The following CYRIA variants were observed in gnomAD, a reference collection of about 807,000 sequenced individuals.
CYRIA encodes the protein CYFIP-related Rac1 interactor A.
A neutral mutation model predicts 43.9 loss-of-function variants in CYRIA; 15 were observed. The observed-to-expected ratio is 0.34, with a 90% CI of 0.23 to 0.53. CYRIA has a LOEUF of 0.53. Ranked by LOEUF, CYRIA falls within the 20% of genes least tolerant of loss-of-function variation. CYRIA has a pLI of 0.94. For missense variants in CYRIA, 236 were observed against 394.2 expected, an observed-to-expected ratio of 0.60 and a Z score of 3.40; for synonymous variants, 117 against 136.0, an observed-to-expected ratio of 0.86 and a Z score of 0.97.
At position 16,552,942 on chromosome 2, in the gene CYRIA, A is replaced by T; in HGVS notation, c.966T>A (p.Leu322=). 1 of 1,600,460 alleles carries T rather than the reference A, an allele frequency of 6.2e-7. No homozygotes were observed. The part of the protein sequence containing the change: ...ESTSKQIRAM[L]Q ...CTCTTCTTTGAGCAGAGCTCTACTG[A>T]AGCATTGCTCGAATCTGTTTGGAAG... Residue 322 remains leucine (L), a synonymous_variant, in exon 12 of 12, where the codon CTT becomes CTA. Transcript: ENST00000381323.
chr2:16,599,655 C>A (rs112797220), intron 2 of CYRIA, among the ~76,000 whole-genome samples: 4,414 of 148,336 alleles, frequency 0.03, 208 homozygotes, highest in South Asian at 0.09. Flanking sequence ...GAGATGAACC[C>A]GGTACCTCAG....
chr2:16,587,738 G>C (rs1667784771), intron 3 of CYRIA, among the ~76,000 whole-genome samples: 1 of 151,916 alleles, frequency 6.6e-6, no homozygotes. Context: ...GGAGTTTCAC[G>C]AGATCTGATG....
intron 2 of CYRIA, among the ~76,000 whole-genome samples, chr2:16,598,885 G>C (rs1258083320): frequency 2.4e-5 from 3 of 124,206 alleles, no homozygotes; most frequent in Admixed American, 7.8e-5. Flanking sequence ...GGTCTTTGAT[G>C]ATGGTGATGT....
chr2:16,580,627 T>C (rs1325308816), intron 3 of CYRIA, among the ~76,000 whole-genome samples: 1 of 152,164 alleles, frequency 6.6e-6, no homozygotes, highest in Non-Finnish European at 1.5e-5. Flanking sequence ...TTTTTTATTG[T>C]AGAAACTAAG....
intron 1 of CYRIA, among the ~76,000 whole-genome samples, chr2:16,643,480 G>C (rs548021337): frequency 6.6e-6 from 1 of 152,332 alleles, no homozygotes; most frequent in South Asian, 2.1e-4. Context: ...ACAGTTTTGA[G>C]AGACTTCAAT....
chr2:16,577,977 G>C (rs917837280), intron 3 of CYRIA, among the ~76,000 whole-genome samples: 2 of 152,176 alleles, frequency 1.3e-5, no homozygotes, highest in African/African-American at 2.4e-5. Flanking sequence ...GAAAAATGAA[G>C]AGAAAGCCAC....
In CYRIA at chr2:16,552,938, A is replaced by T. The variant is rs1666365618; in HGVS notation, c.970T>A (p.Ter324LysextTer11). ...TSKQIRAMLQ[*>K] ...GATCCTCTTCTTTGAGCAGAGCTCT[A>T]CTGAAGCATTGCTCGAATCTGTTTG... The change falls in exon 12 of 12, where the codon TAG becomes AAG. Residue 324 changes from the stop codon to lysine (K), a stop_lost. Coordinates refer to ENST00000381323, the MANE Select transcript of CYRIA (RefSeq NM_030797.4). The T allele has an allele frequency of 6.3e-7, 1 of 1,595,084 alleles. No homozygotes were observed. Among genetic ancestry groups the T allele is most frequent in the Admixed American group, 1.7e-5 (1 of 59,916 alleles).
intron 3 of CYRIA, among the ~76,000 whole-genome samples, chr2:16,572,271 A>G (rs917689858): frequency 6.6e-6 from 1 of 152,246 alleles, no homozygotes; most frequent in African/African-American, 2.4e-5. Flanking sequence ...CTGCAGGGTC[A>G]TAATGAAGAT....
chr2:16,558,763 T>G (rs1026973829), intron 10 of CYRIA, among the ~76,000 whole-genome samples: 1 of 152,018 alleles, frequency 6.6e-6, no homozygotes, highest in Admixed American at 6.6e-5. Context: ...AGAGCAGACA[T>G]GAGGTATATA....
chr2:16,665,002 T>A (rs1670352502), intron 1 of CYRIA, among the ~76,000 whole-genome samples: 1 of 152,058 alleles, frequency 6.6e-6, no homozygotes, highest in African/African-American at 2.4e-5. Flanking sequence ...ATGACAAAGA[T>A]CTTGGCCCTG....
intron 3 of CYRIA, among the ~76,000 whole-genome samples, chr2:16,566,244 T>A (rs145085993): frequency 6.6e-6 from 1 of 152,312 alleles, no homozygotes; most frequent in African/African-American, 2.4e-5. Flanking sequence ...ACATTCATAA[T>A]GTTGTACAAC....
intron 1 of CYRIA, among the ~76,000 whole-genome samples, chr2:16,661,766 G>A (rs1227729908): frequency 1.3e-5 from 2 of 152,026 alleles, no homozygotes; most frequent in African/African-American, 2.4e-5. Context: ...TGTGTACTAC[G>A]GCACAAAGAG....
In CYRIA at chr2:16,564,010, A is replaced by G. The variant is rs755707957; in HGVS notation, c.277T>C (p.Tyr93His). Residue 93 changes from tyrosine (Y) to histidine (H), a missense_variant, in exon 5 of 12, where the codon TAC becomes CAC. Tyr to His is a moderately conservative substitution (Grantham distance 83). Coordinates refer to ENST00000381323, the MANE Select transcript of CYRIA (RefSeq NM_030797.4). ...TCACCTAGTCTAATGGAAAACTCGT[A>G]AAATCTCTTTAGCCTCACAACAAGA... ...CPLVVRLKRF[Y>H]EFSIRLEKAL... 4 of 1,613,226 alleles carry G rather than the reference A, an allele frequency of 2.5e-6. No homozygotes were observed. Among genetic ancestry groups the G allele is most frequent in the East Asian group, 4.5e-5 (2 of 44,866 alleles).
intron 2 of CYRIA, among the ~76,000 whole-genome samples, chr2:16,599,923 A>C (rs1309613569): frequency 6.6e-6 from 1 of 152,078 alleles, no homozygotes; most frequent in Non-Finnish European, 1.5e-5. Context: ...CACCCAGCTA[A>C]TTTTTGTATT....
intron 2 of CYRIA, among the ~76,000 whole-genome samples, chr2:16,604,701 A>C (rs1032195581): frequency 6.6e-6 from 1 of 152,264 alleles, no homozygotes; most frequent in African/African-American, 2.4e-5. Context: ...CACTGGAATG[A>C]AGTAGCTCAG....
Position 16,552,560 on chromosome 2 carries a change from T to C in CYRIA, c.*376A>G, listed in dbSNP as rs1480349839. 6.2e-6 allele frequency: 1 copy of C among 162,096 alleles called. No individual in the cohort carries two copies. The highest frequency in any genetic ancestry group is 1.3e-5 in the Non-Finnish European group (1 of 74,848). 10.0% of individuals were successfully genotyped at this position (162,096 alleles called of 1,614,324 possible). On this transcript the variant is annotated 3_prime_UTR_variant, in exon 12 of 12. Coordinates refer to ENST00000381323, the MANE Select transcript of CYRIA (RefSeq NM_030797.4). ...CTTGTAGCTGAGCCGACACAGGAAATCAAATATTTTGTGTTTCTATAAACT... is the reference window on the plus strand; with the variant it reads ...CTTGTAGCTGAGCCGACACAGGAAACCAAATATTTTGTGTTTCTATAAACT...
At chr2:16,604,339 A>C (rs1668304546) in intron 2 of CYRIA, among the ~76,000 whole-genome samples, 1 of 152,244 alleles carries the variant, frequency 6.6e-6, no homozygotes. Context: ...CACTGTTGTC[A>C]GTGACATCAA....
intron 1 of CYRIA, among the ~76,000 whole-genome samples, chr2:16,633,558 TTTTTTTTTTTTTTTC>T (rs1215786489): frequency 2.0e-5 from 2 of 100,580 alleles, no homozygotes; most frequent in Non-Finnish European, 3.6e-5. Flanking sequence ...TTTTTTTTTT[TTTTTTTTTTTTTTTC>T]TGTAGAGAAG....
intron 1 of CYRIA, among the ~76,000 whole-genome samples, chr2:16,663,236 A>G (rs995268846): frequency 5.9e-5 from 9 of 152,228 alleles, no homozygotes; most frequent in African/African-American, 2.2e-4. Context: ...CTAAAAGAAC[A>G]AGAAAATGTG....
Sources: allele counts gnomAD v4.1 joint callset (sites outside exome capture counted in the v4.1 genomes callset), GRCh38; gene constraint gnomAD v4.1.1; transcripts MANE v1.5; gene names NCBI Gene and HGNC (gene_info 2026-07-23, HGNC 2026-07-21).